The following ERBB4 variants were observed in gnomAD, a reference collection of about 807,000 sequenced individuals.
ERBB4 encodes receptor tyrosine-protein kinase erbB-4.
Under a neutral mutation model 158.0 loss-of-function variants are expected in ERBB4, and 42 were observed. The ratio of observed to expected loss-of-function variants is 0.27; its 90% CI spans 0.21 to 0.34. ERBB4 has a LOEUF of 0.34. Ranked by LOEUF, ERBB4 falls within the 10% of genes least tolerant of loss-of-function variation. The pLI, the probability that ERBB4 is intolerant of heterozygous loss-of-function variation, is 1.00. For synonymous variants in ERBB4, 583 were observed against 558.7 expected, an observed-to-expected ratio of 1.04 and a Z score of -0.61; for missense variants, 1,333 against 1,624.1, an observed-to-expected ratio of 0.82 and a Z score of 3.08.
intron 3 of ERBB4, among the ~76,000 whole-genome samples, chr2:211,800,835 TA>T (rs1051050462): frequency 6.6e-6 from 1 of 151,942 alleles, no homozygotes; most frequent in Non-Finnish European, 1.5e-5. Flanking sequence ...TTCAATTTGG[TA>T]AAAAAATAGA....
intron 1 of ERBB4, among the ~76,000 whole-genome samples, chr2:212,238,067 G>A (rs981488401): frequency 2.0e-5 from 3 of 152,190 alleles, no homozygotes; most frequent in East Asian, 1.9e-4. Context: ...GGCTTCCGCC[G>A]CCTTTCCAGA....
In ERBB4 at chr2:211,452,226, G is replaced by A. The variant is rs552191203; in HGVS notation, c.2488-21126C>T. ...GGAGTCTCGCTCTGTTGCCCAGGCT[G>A]GAGTGCAATGGCGCGATCTCGGCTC... is the stretch of plus-strand genomic sequence containing the variant. On this transcript the variant is annotated intron_variant, in intron 20 of 27. Transcript: ENST00000342788. 6.6e-5 allele frequency among the ~76,000 whole-genome samples: 10 copies of A among 152,234 alleles called. No homozygotes were observed. The East Asian group carries it at 1.5e-3, about 24-fold the overall frequency.
At chr2:211,666,932 G>T (rs2071652956) in intron 14 of ERBB4, among the ~76,000 whole-genome samples, 1 of 152,142 alleles carries the variant, frequency 6.6e-6, no homozygotes, top group African/African-American at 2.4e-5. Flanking sequence ...TTAACACTAA[G>T]TTATAAAGAA....
At chr2:212,356,589 T>C (rs114372823) in intron 1 of ERBB4, among the ~76,000 whole-genome samples, 45 of 152,090 alleles carry the variant, frequency 3.0e-4, no homozygotes, top group African/African-American at 1.1e-3. Context: ...TAGGTTTTTT[T>C]TGTTATTTTA....
intron 17 of ERBB4, among the ~76,000 whole-genome samples, chr2:211,628,601 G>A (rs559429377): frequency 3.9e-5 from 6 of 152,280 alleles, no homozygotes; most frequent in African/African-American, 1.4e-4. Flanking sequence ...CCAAGTCTTT[G>A]CTATTGTGAA....
rs577360482 is a variant in ERBB4, at chr2:211,965,607, G to A, written c.235-17991C>T. On this transcript the variant is annotated intron_variant, in intron 2 of 27. Transcript: ENST00000342788. ...TTTTTATGTGCTAAGGTAATTCAAA[G>A]CAGAAAATGAAAGTAGTTGATACTA... is the stretch of plus-strand genomic sequence containing the variant. Among the ~76,000 whole-genome samples the A allele has an allele frequency of 7.2e-5, 11 of 152,082 alleles. No individual in the cohort carries two copies. The South Asian group carries it at 2.3e-3, about 32-fold the overall frequency.
intron 5 of ERBB4, among the ~76,000 whole-genome samples, chr2:211,729,568 C>T (rs2074368413): frequency 6.6e-6 from 1 of 151,682 alleles, no homozygotes; most frequent in Admixed American, 6.6e-5. Flanking sequence ...TTGTACAATT[C>T]AAGGCTACAT....
At chr2:211,517,122 C>T (rs1297215556) in intron 20 of ERBB4, among the ~76,000 whole-genome samples, 1 of 152,062 alleles carries the variant, frequency 6.6e-6, no homozygotes, top group African/African-American at 2.4e-5. Context: ...AAACTTATTG[C>T]AGGGATAGCA....
chr2:211,583,037 G>A (rs2068150757), intron 19 of ERBB4, among the ~76,000 whole-genome samples: 1 of 151,950 alleles, frequency 6.6e-6, no homozygotes, highest in Non-Finnish European at 1.5e-5. Flanking sequence ...AAAATGTGAT[G>A]GAAATATTTA....
At chr2:212,334,543 AGCAGCTAATT>A (rs1230986123) in intron 1 of ERBB4, among the ~76,000 whole-genome samples, 1 of 152,014 alleles carries the variant, frequency 6.6e-6, no homozygotes, top group East Asian at 1.9e-4. Context: ...GTTATTTGGT[AGCAGCTAATT>A]GCAGCTAATA....
chr2:211,902,377 T>G (rs949841525), intron 3 of ERBB4, among the ~76,000 whole-genome samples: 1 of 152,068 alleles, frequency 6.6e-6, no homozygotes, highest in East Asian at 1.9e-4. Context: ...TTATAGATAT[T>G]AACATCTGTA....
intron 12 of ERBB4, among the ~76,000 whole-genome samples, chr2:211,691,568 A>ACG (rs2072817338): frequency 7.2e-6 from 1 of 139,052 alleles, no homozygotes; most frequent in Non-Finnish European, 1.5e-5. Flanking sequence ...ATAGAAACAT[A>ACG]TGTGTGTGTG....
chr2:211,732,098 T>C (rs1022912184), intron 5 of ERBB4, among the ~76,000 whole-genome samples: 14 of 152,142 alleles, frequency 9.2e-5, no homozygotes, highest in African/African-American at 3.4e-4. Context: ...GGCACTCTCT[T>C]ATTTCTAATG....
At chr2:212,416,389 A>T (rs571597411) in intron 1 of ERBB4, among the ~76,000 whole-genome samples, 1 of 152,242 alleles carries the variant, frequency 6.6e-6, no homozygotes, top group East Asian at 1.9e-4. Flanking sequence ...GTTCTGGCTC[A>T]CACCCACTGG....
At chr2:211,942,363 T>TTTAA (rs2080526312) in intron 3 of ERBB4, among the ~76,000 whole-genome samples, 1 of 151,082 alleles carries the variant, frequency 6.6e-6, no homozygotes, top group African/African-American at 2.4e-5. Context: ...TATTTATTTA[T>TTTAA]TTATTTATTT....
intron 1 of ERBB4, among the ~76,000 whole-genome samples, chr2:212,519,193 G>C (rs1257327295): frequency 1.3e-5 from 2 of 151,954 alleles, no homozygotes; most frequent in Non-Finnish European, 2.9e-5. Context: ...ATGTAGTATA[G>C]ATCTCAGTCA....
chr2:211,755,270 G>A (rs1312326260), intron 4 of ERBB4, among the ~76,000 whole-genome samples: 1 of 152,290 alleles, frequency 6.6e-6, no homozygotes, highest in Middle Eastern at 3.4e-3. Flanking sequence ...GGGAGGCCAA[G>A]GTGGGCTGAC....
intron 2 of ERBB4, among the ~76,000 whole-genome samples, chr2:212,003,191 A>AAAGAAAGAAAGAC (rs2076164217): frequency 1.1e-4 from 8 of 74,194 alleles, no homozygotes; most frequent in African/African-American, 2.8e-4. Context: ...GAAAGAAAGA[A>AAAGAAAGAAAGAC]AGAAAGAAAG....
rs75170653 is a variant in ERBB4, at chr2:212,289,648, T to C, written c.83-164745A>G. On this transcript the variant is annotated intron_variant, in intron 1 of 27. Coordinates refer to ENST00000342788, the MANE Select transcript of ERBB4 (RefSeq NM_005235.3). ...GAAGAATTGGGCTCAATGGGAATTCTATATGAGTATCTGAGGGCAGAATTT... is the reference window on the plus strand; with the variant it reads ...GAAGAATTGGGCTCAATGGGAATTCCATATGAGTATCTGAGGGCAGAATTT... 4.2e-4 allele frequency among the ~76,000 whole-genome samples: 64 copies of C among 152,310 alleles called. No homozygotes were observed. In the East Asian group the frequency reaches 0.01, roughly 25 times the overall value.
Sources: gnomAD v4.1 joint callset for allele counts (sites outside exome capture counted in the v4.1 genomes callset) on GRCh38, gnomAD v4.1.1 for gene constraint, MANE v1.5 for transcripts, NCBI Gene and HGNC (gene_info 2026-07-23, HGNC 2026-07-21) for gene names.